Variants in TTC7A observed in about 807,000 individuals in gnomAD.
TTC7A encodes the protein tetratricopeptide repeat protein 7A.
Under a neutral mutation model 103.7 loss-of-function variants are expected in TTC7A, and 110 were observed. That is an observed-to-expected ratio of 1.06 (90% confidence interval 0.91 to 1.24). The LOEUF (loss-of-function observed/expected upper bound fraction) is 1.24, where lower values mean the gene tolerates loss of function less well. Ranked by LOEUF, TTC7A falls within the 50% of genes most tolerant of loss-of-function variation. The pLI is 0.00. For missense variants in TTC7A, 1,340 were observed against 1,116.3 expected, an observed-to-expected ratio of 1.20 and a Z score of -2.86; for synonymous variants, 521 against 467.9, an observed-to-expected ratio of 1.11 and a Z score of -1.47.
At chr2:47,045,143 A>G (rs1028483185) in intron 15 of TTC7A, among the ~76,000 whole-genome samples, 4 of 152,192 alleles carry the variant, frequency 2.6e-5, no homozygotes, top group African/African-American at 9.7e-5. Context: ...CACTGGTGAG[A>G]ACCGGGAGGT....
intron 1 of TTC7A, among the ~76,000 whole-genome samples, chr2:46,946,718 G>A (rs1282736618): frequency 6.6e-6 from 1 of 152,188 alleles, no homozygotes; most frequent in East Asian, 1.9e-4. Context: ...CACCACAGCA[G>A]GCCTGAATTC....
At chr2:46,934,554 G>A (rs562631523) in intron 2 of TTC7A, among the ~76,000 whole-genome samples, 36 of 152,252 alleles carry the variant, frequency 2.4e-4, no homozygotes, top group South Asian at 1.9e-3. Context: ...CATTACAGGT[G>A]TGAGCCACCC....
At chr2:46,949,280 G>C (rs1329688281) in intron 1 of TTC7A, among the ~76,000 whole-genome samples, 1 of 152,194 alleles carries the variant, frequency 6.6e-6, no homozygotes, top group Non-Finnish European at 1.5e-5. Flanking sequence ...TTGTTGCCCA[G>C]GCTGGAGTGC....
intron 1 of TTC7A, among the ~76,000 whole-genome samples, chr2:46,947,370 T>A (rs1421716353): frequency 6.6e-6 from 1 of 152,218 alleles, no homozygotes; most frequent in Non-Finnish European, 1.5e-5. Context: ...TCGCAGCCAG[T>A]CACTCTTATG....
chr2:47,031,081 G>A (rs530417361), intron 15 of TTC7A, among the ~76,000 whole-genome samples: 1 of 152,224 alleles, frequency 6.6e-6, no homozygotes, highest in East Asian at 1.9e-4. Context: ...TGGGAGGCAG[G>A]GGTTGCAGTG....
intron 2 of TTC7A, among the ~76,000 whole-genome samples, chr2:46,929,331 T>C (rs932149053): frequency 2.0e-5 from 3 of 151,890 alleles, no homozygotes; most frequent in African/African-American, 7.3e-5. Context: ...TAGGAAAAAT[T>C]TAAAAACTAC....
At chr2:47,039,996 G>A (rs973468811) in intron 15 of TTC7A, among the ~76,000 whole-genome samples, 2 of 152,234 alleles carry the variant, frequency 1.3e-5, no homozygotes, top group Non-Finnish European at 2.9e-5. Flanking sequence ...GGTCACCTGA[G>A]TGCCTTTCTG....
At position 47,041,214 on chromosome 2, in the gene TTC7A, C is replaced by A. The variant is rs183785206; in HGVS notation, c.1803-5101C>A. On this transcript the variant is annotated intron_variant, in intron 15 of 19. Transcript: ENST00000319190. ...TGGAATGGAATTGGCCAGCGCTCTG[C>A]TTGTCAGCTGTGGGAGTCCGGCCCA... is the stretch of plus-strand genomic sequence containing the variant. Among the ~76,000 whole-genome samples the A allele has an allele frequency of 4.5e-4, 69 of 152,282 alleles. 1 individual carries two copies. The highest frequency in any genetic ancestry group is 1.6e-3 in the African/African-American group (66 of 41,560).
chr2:47,008,073 G>T (rs1677618138), intron 10 of TTC7A, among the ~76,000 whole-genome samples: 2 of 152,212 alleles, frequency 1.3e-5, no homozygotes, highest in African/African-American at 4.8e-5. Context: ...GGGTAGTAGG[G>T]ACAGGGCCGG....
At chr2:46,942,845 C>T in intron 1 of TTC7A, among the ~76,000 whole-genome samples, 1 of 152,156 alleles carries the variant, frequency 6.6e-6, no homozygotes, top group African/African-American at 2.4e-5. Flanking sequence ...AGAAAGTGAT[C>T]GGAGGGCAAT....
chr2:47,021,848 TCTC>T lies in TTC7A; in HGVS notation c.1393-10_1393-8del, dbSNP rs765950947. 1.2e-5 allele frequency: 20 copies of T among 1,607,634 alleles called. No homozygotes were observed. Among genetic ancestry groups the T allele is most frequent in the Non-Finnish European group, 1.7e-5 (20 of 1,174,212 alleles). ...CAACCCCACCTCCATGACCTCTGTCTCTCCTCTTTGCAGCTAGAGGAAGCAGAG... is the reference window on the plus strand; with the variant it reads ...CAACCCCACCTCCATGACCTCTGTCTCTCTTTGCAGCTAGAGGAAGCAGAG... On this transcript the variant is annotated splice_polypyrimidine_tract_variant and intron_variant, in intron 11 of 19. Coordinates refer to ENST00000319190, the MANE Select transcript of TTC7A (RefSeq NM_020458.4).
chr2:46,957,062 C>T, intron 3 of TTC7A, 55 bp downstream of exon 3: 1 of 1,606,652 alleles, frequency 6.2e-7, no homozygotes, highest in Non-Finnish European at 8.5e-7. Context: ...TCGTTGCACT[C>T]TGACTCCCAG....
At chr2:46,956,770 G>T (rs1671891147) in intron 2 of TTC7A, 69 bp from the exon 3 acceptor site, 5 of 1,576,052 alleles carry the variant, frequency 3.2e-6, no homozygotes, top group East Asian at 4.5e-5. Context: ...CAAGGTCCAG[G>T]TTCAGTGGGG....
chr2:46,939,843 G>A (rs563583491), upstream of TTC7A, among the ~76,000 whole-genome samples: 2 of 152,336 alleles, frequency 1.3e-5, no homozygotes, highest in Admixed American at 6.5e-5. Flanking sequence ...ACTGGAGTAA[G>A]CCAGGAGTTT....
intron 11 of TTC7A, among the ~76,000 whole-genome samples, chr2:47,015,599 A>C (rs1678560650): frequency 6.6e-6 from 1 of 152,286 alleles, no homozygotes; most frequent in East Asian, 1.9e-4. Flanking sequence ...GGAAACAATC[A>C]TGTCCGCCAT....
At chr2:46,967,199 C>G (rs1326760209) in intron 3 of TTC7A, among the ~76,000 whole-genome samples, 1 of 151,752 alleles carries the variant, frequency 6.6e-6, no homozygotes, top group African/African-American at 2.4e-5. Context: ...GGTGACAGAG[C>G]AAGATTCCGT....
intron 17 of TTC7A, 178 bp downstream of exon 17, chr2:47,050,224 G>T (rs963279995): frequency 1.6e-6 from 1 of 608,380 alleles, no homozygotes; most frequent in Non-Finnish European, 3.0e-6. Flanking sequence ...GGGGCTGGCT[G>T]CTGGTCCCAC....
chr2:46,967,449 T>C (rs1217854997), intron 3 of TTC7A, among the ~76,000 whole-genome samples: 2 of 152,110 alleles, frequency 1.3e-5, no homozygotes, highest in African/African-American at 2.4e-5. Flanking sequence ...CACTCTTCTA[T>C]TTTCTGTTTT....
chr2:47,063,160 G>T (rs556942393), intron 19 of TTC7A, among the ~76,000 whole-genome samples: 28 of 152,352 alleles, frequency 1.8e-4, no homozygotes, highest in African/African-American at 6.0e-4. Flanking sequence ...ATCTAATCCT[G>T]GCTCTGGCCC....
Sources: gnomAD v4.1 joint callset for allele counts (sites outside exome capture counted in the v4.1 genomes callset) on GRCh38, gnomAD v4.1.1 for gene constraint, MANE v1.5 for transcripts, NCBI Gene and HGNC (gene_info 2026-07-23, HGNC 2026-07-21) for gene names.